The following CALB2 variants were observed in gnomAD, a reference collection of about 807,000 sequenced individuals.
CALB2 encodes the protein calretinin.
CALB2 carries 34 observed loss-of-function variants against 45.9 expected under a neutral mutation model. That is an observed-to-expected ratio of 0.74 (90% CI 0.56 to 0.99). The LOEUF is 0.99. CALB2 is among the 50% of genes least tolerant of loss of function. The pLI is 0.00. For missense variants in CALB2, 344 were observed against 339.3 expected (o/e 1.01, Z -0.11); for synonymous variants, 142 against 129.6 (o/e 1.10, Z -0.65).
At chr16:71,378,232 G>T (rs1478763196) in intron 4 of CALB2, among the ~76,000 whole-genome samples, 5 of 151,642 alleles carry the variant, frequency 3.3e-5, no homozygotes, top group Admixed American at 3.3e-4. Flanking sequence ...CTCAAAAAAA[G>T]AAAGAAAGAA....
intron 7 of CALB2, 68 bp from the exon 8 acceptor site, chr16:71,384,271 C>G: frequency 1.2e-5 from 16 of 1,314,898 alleles, no homozygotes; most frequent in Non-Finnish European, 1.8e-5. Flanking sequence ...ACCGCCTCTG[C>G]CTTCCCCTCT....
Position 71,377,816 on chromosome 16 carries a change from C to G in CALB2, c.342+69C>G, listed in dbSNP as rs1598168946. 9 of 1,109,144 alleles carry G rather than the reference C, an allele frequency of 8.1e-6. No homozygotes were observed. In the East Asian group the frequency reaches 2.1e-4, roughly 26 times the overall value. 68.7% of individuals were successfully genotyped at this position (1,109,144 alleles called of 1,614,324 possible). A position where few individuals can be genotyped will look rare whatever the true frequency, so the allele number is the denominator to read the frequency against. ...CTTCCTCCTGTGTTCAGAGCCAGGCCCACCCTCCTGCCTGGTAATGGTCCC... is the reference window on the plus strand; with the variant it reads ...CTTCCTCCTGTGTTCAGAGCCAGGCGCACCCTCCTGCCTGGTAATGGTCCC... On this transcript the variant is annotated intron_variant, in intron 4 of 10. Transcript: ENST00000302628.
rs2042515506 is a variant in CALB2, at chr16:71,382,785, G to T, written c.399+10G>T. 4 of 1,606,114 alleles carry T rather than the reference G, an allele frequency of 2.5e-6. No homozygotes were observed. In the South Asian group the frequency reaches 4.5e-5, roughly 18 times the overall value. ...AGCCAATGAGCTCAAGGTAGGATGG[G>T]CCTTGGGGAGGGTGTGAGGCCAGAG... On this transcript the variant is annotated intron_variant, in intron 5 of 10. Coordinates refer to ENST00000302628, the MANE Select transcript of CALB2 (RefSeq NM_001740.5).
Position 71,384,791 on chromosome 16 carries a change from G to A in CALB2, c.582G>A (p.Lys194=), listed in dbSNP as rs777055320. The part of the protein sequence containing the change: ...ENFLLKFQGM[K]LTSEEFNAIF... ...TACCCTGGTTCTTGCAGGGCATGAA[G>A]CTGACCTCAGAGGAGTTTAACGCGA... Residue 194 remains lysine, a synonymous_variant, in exon 9 of 11, where the codon AAG becomes AAA. Transcript: ENST00000302628. 3.9e-6 allele frequency: 6 copies of A among 1,529,618 alleles called. No individual in the cohort carries two copies. The highest frequency in any genetic ancestry group is 1.9e-5 in the Admixed American group (1 of 52,424). The allele number at this position is 1,529,618 out of a possible 1,614,324, so 94.8% of individuals were successfully genotyped here.
At chr16:71,389,641 T>G (rs765968663) in intron 10 of CALB2, 108 bp from the exon 11 acceptor site, 32 of 807,550 alleles carry the variant, frequency 4.0e-5, no homozygotes, top group East Asian at 9.8e-5. Context: ...TATCCTGGGA[T>G]GAGATGAGAG....
intron 9 of CALB2, 121 bp from the exon 10 acceptor site, chr16:71,385,456 C>A: frequency 1.4e-6 from 1 of 695,568 alleles, no homozygotes; most frequent in Non-Finnish European, 2.4e-6. Flanking sequence ...ATTACACGAT[C>A]TGAACACCCC....
chr16:71,385,050 G>A (rs540365267), intron 9 of CALB2, among the ~76,000 whole-genome samples: 1 of 152,280 alleles, frequency 6.6e-6, no homozygotes, highest in African/African-American at 2.4e-5. Flanking sequence ...GAGTGCAGCC[G>A]AGAATCGTTG....
In CALB2 at chr16:71,358,873, C is replaced by T; in HGVS notation, c.81C>T (p.His27=). ...CCCAGTTCCTGGAAATATGGAAGCA[C>T]TTTGACGCAGACGGTCAGTAAAGCT... ...TASQFLEIWK[H]FDADGNGYIE... Residue 27 remains histidine, a synonymous_variant, in exon 1 of 11, where the codon CAC becomes CAT. Coordinates refer to ENST00000302628, the MANE Select transcript of CALB2 (RefSeq NM_001740.5). 1.2e-6 allele frequency: 2 copies of T among 1,613,244 alleles called. No individual in the cohort carries two copies. Among genetic ancestry groups the T allele is most frequent in the Non-Finnish European group, 1.7e-6 (2 of 1,179,758 alleles).
rs781586321 is a variant in CALB2 at position 71,384,025 on chromosome 16, G to A, written c.533G>A (p.Arg178Gln). Residue 178 changes from arginine (R) to glutamine (Q), a missense_variant and splice_region_variant, in exon 7 of 11, where the codon CGA becomes CAA. Arg to Gln is a conservative substitution (Grantham distance 43). Around this residue, in one of 3 missense-constraint regions of CALB2, gnomAD observed 263 missense variants for 241.7 expected, o/e 1.09. Transcript: ENST00000302628. ...AAATTGGGCCTCTCAGAGATGTCCC[G>A]GTAAGCACCTCACCCCCGGGGTCAC... Reference protein sequence around the residue: ...DGKLGLSEMSRLLPVQENFLL... With the variant: ...DGKLGLSEMSQLLPVQENFLL... 23 of 1,613,644 alleles carry A rather than the reference G, an allele frequency of 1.4e-5. No individual in the cohort carries two copies. The highest frequency in any genetic ancestry group is 1.7e-5 in the Non-Finnish European group (20 of 1,179,784).
At chr16:71,380,205 T>A (rs9925993) in intron 4 of CALB2, among the ~76,000 whole-genome samples, 6,391 of 150,626 alleles carry the variant, frequency 0.042, 451 homozygotes, top group African/African-American at 0.15. Flanking sequence ...CCCGGACCCT[T>A]TTCTCTTTCT....
At chr16:71,379,416 T>C (rs540191006) in intron 4 of CALB2, among the ~76,000 whole-genome samples, 6 of 152,352 alleles carry the variant, frequency 3.9e-5, no homozygotes, top group African/African-American at 1.4e-4. Flanking sequence ...TCTGATAAAT[T>C]GAACCATATG....
At position 71,382,813 on chromosome 16, in the gene CALB2, G is replaced by A. The variant is rs758135773; in HGVS notation, c.399+38G>A. The A allele has an allele frequency of 1.9e-6, 3 of 1,578,392 alleles. No homozygotes were observed. In the South Asian group the frequency reaches 3.5e-5, roughly 19 times the overall value. ...TTGGGGAGGGTGTGAGGCCAGAGTGGCGGTGGGCTTAAGGTGCCTGAGGAG... is the reference window on the plus strand; with the variant it reads ...TTGGGGAGGGTGTGAGGCCAGAGTGACGGTGGGCTTAAGGTGCCTGAGGAG... On this transcript the variant is annotated intron_variant, in intron 5 of 10. Transcript: ENST00000302628.
intron 9 of CALB2, 30 bp from the exon 10 acceptor site, chr16:71,385,547 G>A (rs2042560449): frequency 1.2e-6 from 2 of 1,605,394 alleles, no homozygotes; most frequent in East Asian, 2.2e-5. Context: ...AGGCTTTAGA[G>A]CTCTGGGTTG....
intron 6 of CALB2, 113 bp downstream of exon 6, chr16:71,383,557 T>A: frequency 1.1e-6 from 1 of 919,422 alleles, no homozygotes; most frequent in Non-Finnish European, 1.7e-6. Flanking sequence ...CCAAGGGAAG[T>A]GATTCACAGT....
At chr16:71,384,686 T>C (rs75590483) in intron 8 of CALB2, 97 bp from the exon 9 acceptor site, 4 of 1,952 alleles carry the variant, frequency 2.0e-3, no homozygotes, top group Non-Finnish European at 3.8e-3. Flanking sequence ...ACATCACACA[T>C]GCACACACCA....
At chr16:71,366,024 CTTTT>C (rs1171021532) in intron 1 of CALB2, among the ~76,000 whole-genome samples, 1 of 45,066 alleles carries the variant, frequency 2.2e-5, no homozygotes, top group Admixed American at 4.5e-4. Flanking sequence ...CTCTCTCTCT[CTTTT>C]TTTTTTTTTT....
intron 1 of CALB2, among the ~76,000 whole-genome samples, chr16:71,366,344 T>TTTTTTG (rs2042288337): frequency 2.6e-5 from 1 of 38,816 alleles, no homozygotes; most frequent in Admixed American, 4.7e-4. Context: ...TTTTTTTTTT[T>TTTTTTG]GAGAGAGAGA....
rs139089875 is a variant in CALB2 at position 71,378,093 on chromosome 16, G to A, written c.342+346G>A. 1.6e-4 allele frequency among the ~76,000 whole-genome samples: 24 copies of A among 152,132 alleles called. No homozygotes were observed. The East Asian group carries it at 2.9e-3, about 18-fold the overall frequency. On this transcript the variant is annotated intron_variant, in intron 4 of 10. Transcript: ENST00000302628. ...AAAAAAGTTAGCCTGGCGTGGTGGCGGGCACCTGTAATCCCAGCTATTCGG... is the reference window on the plus strand; with the variant it reads ...AAAAAAGTTAGCCTGGCGTGGTGGCAGGCACCTGTAATCCCAGCTATTCGG...
At chr16:71,377,848 A>G (rs2042436008) in intron 4 of CALB2, 101 bp downstream of exon 4, 11 of 786,176 alleles carry the variant, frequency 1.4e-5, no homozygotes, top group Non-Finnish European at 2.2e-5. Flanking sequence ...TCCCTGGGAG[A>G]TGCTAAACCC....
Sources: allele counts gnomAD v4.1 joint callset (sites outside exome capture counted in the v4.1 genomes callset), GRCh38; gene constraint gnomAD v4.1.1; regional missense constraint gnomAD v4.1.1; transcripts MANE v1.5; gene names NCBI Gene and HGNC (gene_info 2026-07-23, HGNC 2026-07-21).